The following COLEC12 variants were observed in gnomAD, a reference collection of about 807,000 sequenced individuals.
The protein encoded by COLEC12 is collectin-12.
Under a neutral mutation model 71.1 loss-of-function variants are expected in COLEC12, and 33 were observed. The observed-to-expected ratio is 0.46, with a 90% CI of 0.35 to 0.62. COLEC12 has a LOEUF of 0.62. Ranked by LOEUF, COLEC12 falls within the 20% of genes least tolerant of loss-of-function variation. COLEC12 has a pLI of 0.00. For synonymous variants in COLEC12, 350 were observed against 353.0 expected (o/e 0.99, Z 0.10); for missense variants, 765 against 916.1 (o/e 0.84, Z 2.13).
intron 2 of COLEC12, among the ~76,000 whole-genome samples, chr18:425,920 C>A (rs1916190607): frequency 6.6e-6 from 1 of 152,178 alleles, no homozygotes; most frequent in African/African-American, 2.4e-5. Context: ...ATAATCACAT[C>A]TCATCTTGGT....
At position 350,890 on chromosome 18, in the gene COLEC12, G is replaced by A. The variant is rs183169073; in HGVS notation, c.182-2727C>T. ...CAGGAGAATTGCTTGAACCTGGGAA[G>A]TGGAGGTTGCAGTGAGCCGAGATCA... On this transcript the variant is annotated intron_variant, in intron 3 of 9. Transcript: ENST00000400256. Among the ~76,000 whole-genome samples the A allele has an allele frequency of 1.5e-3, 227 of 150,980 alleles. 1 individual carries two copies. Among genetic ancestry groups the A allele is most frequent in the African/African-American group, 5.2e-3 (213 of 41,074 alleles).
rs1304117916 is a variant in COLEC12, at chr18:327,148, C to A, written c.2063+4520G>T. 2.6e-5 allele frequency among the ~76,000 whole-genome samples: 4 copies of A among 152,164 alleles called. No individual in the cohort carries two copies. The highest frequency in any genetic ancestry group is 5.9e-5 in the Non-Finnish European group (4 of 68,034). ...GGGTGTTGGCCAAGAATGAAGTTTTCACAGGACCTGGTGAAATGAGAAGAA... is the reference window on the plus strand; with the variant it reads ...GGGTGTTGGCCAAGAATGAAGTTTTAACAGGACCTGGTGAAATGAGAAGAA... On this transcript the variant is annotated intron_variant, in intron 8 of 9. Transcript: ENST00000400256. The surrounding 1 kb of genome is among the most constrained non-coding windows in gnomAD (Gnocchi z 4.0).
chr18:322,715 G>A (rs555049874), intron 8 of COLEC12, among the ~76,000 whole-genome samples: 32 of 152,288 alleles, frequency 2.1e-4, no homozygotes, highest in African/African-American at 7.0e-4. Context: ...CATCTGCAGC[G>A]GAGGGTGCTT....
chr18:365,717 C>T (rs747421048), intron 2 of COLEC12, among the ~76,000 whole-genome samples: 3 of 152,200 alleles, frequency 2.0e-5, no homozygotes, highest in Non-Finnish European at 4.4e-5. Context: ...CTGGAATACA[C>T]TGGCAAAAAA....
At chr18:373,880 G>A (rs536173479) in intron 2 of COLEC12, among the ~76,000 whole-genome samples, 1 of 152,290 alleles carries the variant, frequency 6.6e-6, no homozygotes, top group African/African-American at 2.4e-5. Flanking sequence ...TCTATTCACT[G>A]TACTCTGCTG....
At chr18:403,713 G>A (rs908453293) in intron 2 of COLEC12, among the ~76,000 whole-genome samples, 3 of 152,170 alleles carry the variant, frequency 2.0e-5, no homozygotes, top group African/African-American at 7.2e-5. Context: ...GCAGAGTTGA[G>A]GAAATGGTCC....
At chr18:421,008 C>T (rs1332209380) in intron 2 of COLEC12, among the ~76,000 whole-genome samples, 2 of 152,178 alleles carry the variant, frequency 1.3e-5, no homozygotes, top group African/African-American at 2.4e-5. Context: ...TCAAACTAGC[C>T]GTTCCTAACC....
At chr18:438,235 T>C (rs562858038) in intron 2 of COLEC12, among the ~76,000 whole-genome samples, 12 of 152,340 alleles carry the variant, frequency 7.9e-5, no homozygotes, top group African/African-American at 2.4e-4. Context: ...AACCTCATGC[T>C]ATTACAACCC....
intron 2 of COLEC12, among the ~76,000 whole-genome samples, chr18:401,495 T>C (rs1915685416): frequency 6.7e-6 from 1 of 150,076 alleles, no homozygotes; most frequent in Non-Finnish European, 1.5e-5. Flanking sequence ...GGCTTCTCAG[T>C]TGCCTGTGAA....
chr18:415,473 C>A (rs559357529), intron 2 of COLEC12, among the ~76,000 whole-genome samples: 31 of 152,134 alleles, frequency 2.0e-4, no homozygotes, highest in Admixed American at 1.0e-3. Flanking sequence ...CTCCTTACCA[C>A]CCTCCTCAAG....
chr18:473,660 G>A (rs1217306361), intron 2 of COLEC12, among the ~76,000 whole-genome samples: 26 of 152,210 alleles, frequency 1.7e-4, no homozygotes, highest in Non-Finnish European at 2.9e-5. Context: ...ACAGCGCCCG[G>A]CCTCAACTCA....
At chr18:493,306 A>T (rs1186828892) in intron 1 of COLEC12, among the ~76,000 whole-genome samples, 1 of 151,976 alleles carries the variant, frequency 6.6e-6, no homozygotes, top group Non-Finnish European at 1.5e-5. Context: ...GCCTCAAGCA[A>T]CCCTCCCATC....
At chr18:374,878 G>A (rs1374095522) in intron 2 of COLEC12, among the ~76,000 whole-genome samples, 3 of 152,214 alleles carry the variant, frequency 2.0e-5, no homozygotes, top group Non-Finnish European at 4.4e-5. Context: ...ACGATCCAGT[G>A]CAGAGCAGTG....
Position 399,149 on chromosome 18 carries a change from A to T in COLEC12, c.59-41627T>A, listed in dbSNP as rs562242585. ...TGTTTAAAAAGCAAAGGAACCAAAA[A>T]CAACACAAAAAAACCCCAATCTGAA... On this transcript the variant is annotated intron_variant, in intron 2 of 9. Coordinates refer to ENST00000400256, the MANE Select transcript of COLEC12 (RefSeq NM_130386.3). The surrounding 1 kb of genome is among the most constrained non-coding windows in gnomAD (Gnocchi z 4.0). Among the ~76,000 whole-genome samples, 224 of 152,276 alleles carry T rather than the reference A, an allele frequency of 1.5e-3. 1 individual carries two copies. The highest frequency in any genetic ancestry group is 0.01 in the Middle Eastern group (3 of 294).
At chr18:402,338 C>T (rs550738318) in intron 2 of COLEC12, among the ~76,000 whole-genome samples, 16 of 152,242 alleles carry the variant, frequency 1.1e-4, no homozygotes, top group Admixed American at 7.2e-4. Context: ...ATCAGAGGTA[C>T]TTTCATTTTC....
intron 1 of COLEC12, among the ~76,000 whole-genome samples, chr18:485,015 C>G (rs1917493273): frequency 6.6e-6 from 1 of 152,284 alleles, no homozygotes; most frequent in East Asian, 1.9e-4. Flanking sequence ...GTCAGTGTCC[C>G]CATTGACTAA....
intron 8 of COLEC12, among the ~76,000 whole-genome samples, chr18:323,992 T>C (rs1188872730): frequency 6.6e-6 from 1 of 152,182 alleles, no homozygotes; most frequent in African/African-American, 2.4e-5. Flanking sequence ...ATTCTTCACA[T>C]ACAGTACTCA....
intron 2 of COLEC12, among the ~76,000 whole-genome samples, chr18:377,884 G>A (rs1232058803): frequency 6.6e-6 from 1 of 151,952 alleles, no homozygotes; most frequent in Non-Finnish European, 1.5e-5. Flanking sequence ...GTGGGGCTGG[G>A]GGAAATAGGG....
intron 6 of COLEC12, 155 bp from the exon 7 acceptor site, chr18:333,298 G>A (rs753375151): frequency 2.7e-5 from 16 of 599,138 alleles, no homozygotes; most frequent in Admixed American, 3.5e-5. Context: ...GGACGTGCTC[G>A]CAGCAAGCAT....
Sources: gnomAD v4.1 joint callset for allele counts (sites outside exome capture counted in the v4.1 genomes callset) on GRCh38, gnomAD v4.1.1 for gene constraint, Gnocchi (gnomAD v3.1) non-coding constraint, MANE v1.5 for transcripts, NCBI Gene and HGNC (gene_info 2026-07-23, HGNC 2026-07-21) for gene names.